Variants in BCAP31 observed in about 807,000 individuals in gnomAD.
BCAP31 encodes the protein B-cell receptor-associated protein 31.
For synonymous variants in BCAP31, 75 were observed against 80.9 expected (o/e 0.93, Z 0.39); for missense variants, 124 against 193.0 (o/e 0.64, Z 2.12).
intron 3 of BCAP31, among the ~76,000 whole-genome samples, chrX:153,716,004 A>G (rs782264310): frequency 5.4e-5 from 4 of 74,024 alleles, no homozygotes; most frequent in African/African-American, 7.7e-5. Flanking sequence ...CTAAAAATAC[A>G]AAAAAAAAAA....
chrX:153,707,107 C>G (rs1472870171), intron 4 of BCAP31, among the ~76,000 whole-genome samples: 1 of 111,235 alleles, frequency 9.0e-6, no homozygotes, highest in Non-Finnish European at 1.9e-5. Context: ...GTCCTCTCGA[C>G]CCAGCTCAAT....
At chrX:153,723,740 G>C (rs1471703276) in intron 1 of BCAP31, 4 of 1,093,443 alleles carry the variant, frequency 3.7e-6, no homozygotes, top group Non-Finnish European at 4.9e-6. Context: ...CCCGCTACCA[G>C]GCAGGCCCAA....
In BCAP31 at chrX:153,715,645, C is replaced by A; in HGVS notation, c.238G>T (p.Val80Leu). 8.3e-7 allele frequency: 1 copy of A among 1,211,656 alleles called. No individual in the cohort carries two copies. Among genetic ancestry groups the A allele is most frequent in the Non-Finnish European group, 1.1e-6 (1 of 895,373 alleles). The change falls in exon 4 of 8, where the codon GTG becomes TTG. Residue 80 changes from valine (V) to leucine (L), a missense_variant. Physicochemically the swap from Val to Leu is conservative, Grantham distance 32. Coordinates refer to ENST00000345046, the MANE Select transcript of BCAP31 (RefSeq NM_001256447.2). Reference protein sequence around the residue: ...IRKYDDVTEKVNLQNNPGAME... With the variant: ...IRKYDDVTEKLNLQNNPGAME... Reference sequence around the variant, plus strand: ...GCCCCGGGATTGTTCTGGAGGTTCACCTTTTCCGTCACATCATCATACTTC... The same window carrying A: ...GCCCCGGGATTGTTCTGGAGGTTCAACTTTTCCGTCACATCATCATACTTC...
intron 4 of BCAP31, among the ~76,000 whole-genome samples, chrX:153,710,851 T>C (rs570096295): frequency 1.8e-5 from 2 of 111,845 alleles, no homozygotes; most frequent in South Asian, 3.7e-4. Flanking sequence ...ACATCCTCCT[T>C]CTTGATCTTG....
chrX:153,707,946 A>G (rs1201192356), intron 4 of BCAP31, among the ~76,000 whole-genome samples: 21 of 113,062 alleles, frequency 1.9e-4, no homozygotes, highest in African/African-American at 6.7e-4. Context: ...CCTCTGCTGG[A>G]TCTCCCAAGT....
chrX:153,718,133 C>T (rs1029122143), intron 3 of BCAP31, among the ~76,000 whole-genome samples: 2 of 110,033 alleles, frequency 1.8e-5, no homozygotes, highest in Non-Finnish European at 3.8e-5. Flanking sequence ...CTGGCCAACA[C>T]GGTGAAACCT....
chrX:153,713,881 C>CTTTTTTTTT lies in BCAP31; in HGVS notation c.341+1652_341+1660dup, dbSNP rs1209475410. Among the ~76,000 whole-genome samples, 9 of 63,532 alleles carry CTTTTTTTTT rather than the reference C, an allele frequency of 1.4e-4. 1 individual carries two copies. The highest frequency in any genetic ancestry group is 4.8e-4 in the East Asian group (1 of 2,071). 55.2% of individuals were successfully genotyped at this position (63,532 alleles called of 115,157 possible). A position where few individuals can be genotyped will look rare whatever the true frequency, so the allele number is the denominator to read the frequency against. On this transcript the variant is annotated intron_variant, in intron 4 of 7. Coordinates refer to ENST00000345046, the MANE Select transcript of BCAP31 (RefSeq NM_001256447.2). ...AGGTTTTCACCTTCCCGATACTATT[C>CTTTTTTTTT]TTTTTTTTTTTTTTTTTTTTTTTTG... is the stretch of plus-strand genomic sequence containing the variant.
At chrX:153,718,810 G>A (rs2091646416) in intron 3 of BCAP31, among the ~76,000 whole-genome samples, 1 of 111,596 alleles carries the variant, frequency 9.0e-6, no homozygotes, top group Non-Finnish European at 1.9e-5. Flanking sequence ...AAGTCCCACA[G>A]TAGAAACCAG....
intron 2 of BCAP31, among the ~76,000 whole-genome samples, chrX:153,722,317 C>G (rs1400919012): frequency 8.9e-6 from 1 of 112,198 alleles, no homozygotes; most frequent in African/African-American, 3.2e-5. Context: ...CGTCTTAAAT[C>G]CAGCTTATTC....
At chrX:153,702,619 C>T (rs1557047600) in intron 6 of BCAP31, among the ~76,000 whole-genome samples, 1 of 112,402 alleles carries the variant, frequency 8.9e-6, no homozygotes, top group Non-Finnish European at 1.9e-5. Flanking sequence ...AGCCCCCAGG[C>T]ATGCTGGGGC....
chrX:153,713,745 G>A (rs1557049555), intron 4 of BCAP31, among the ~76,000 whole-genome samples: 1 of 110,376 alleles, frequency 9.1e-6, no homozygotes. Context: ...TCATCCTAGT[G>A]TTTCCTTTGC....
chrX:153,723,875 G>A, intron 1 of BCAP31: 1 of 554,561 alleles, frequency 1.8e-6, no homozygotes, highest in Non-Finnish European at 3.1e-6. Flanking sequence ...CTTCGCCTCC[G>A]GTGGGCTGGA....
At chrX:153,723,522 A>G in intron 1 of BCAP31, 5 of 1,164,961 alleles carry the variant, frequency 4.3e-6, no homozygotes, top group Non-Finnish European at 5.7e-6. Context: ...CCCCTCCAGC[A>G]CGTGTGTCAA....
At chrX:153,711,274 C>G (rs1392439387) in intron 4 of BCAP31, among the ~76,000 whole-genome samples, 3 of 112,185 alleles carry the variant, frequency 2.7e-5, no homozygotes, top group African/African-American at 9.7e-5. Context: ...GCTCTGTCCC[C>G]TCCACCCCAC....
intron 4 of BCAP31, 109 bp downstream of exon 4, chrX:153,715,433 C>A: frequency 9.4e-7 from 1 of 1,069,383 alleles, no homozygotes; most frequent in Non-Finnish European, 1.3e-6. Context: ...AGGCCACAGA[C>A]TGAGGAGGAA....
chrX:153,724,321 G>A lies in BCAP31; in HGVS notation c.-45+13C>T, dbSNP rs1268877761. The A allele has an allele frequency of 2.5e-5, 4 of 156,920 alleles. No individual in the cohort carries two copies. The highest frequency in any genetic ancestry group is 4.9e-5 in the Non-Finnish European group (4 of 82,154). The allele number at this position is 156,920 out of a possible 1,213,427, so 12.9% of individuals were successfully genotyped here. On this transcript the variant is annotated intron_variant, in intron 1 of 7. Transcript: ENST00000345046. ...GGTCCCGGAGCCCAGCCCGGCGCGC[G>A]GAGCCCGCTCACCGAGTTTCCCACA...
intron 3 of BCAP31, among the ~76,000 whole-genome samples, chrX:153,717,575 A>G (rs1403897261): frequency 2.7e-5 from 3 of 112,252 alleles, no homozygotes; most frequent in African/African-American, 9.7e-5. Flanking sequence ...TACCACACTC[A>G]GTTAATTTTT....
At chrX:153,713,619 T>G (rs2091606671) in intron 4 of BCAP31, among the ~76,000 whole-genome samples, 1 of 111,667 alleles carries the variant, frequency 9.0e-6, no homozygotes, top group African/African-American at 3.3e-5. Context: ...ACTCTGCAAA[T>G]CCTCAAGCAT....
intron 4 of BCAP31, among the ~76,000 whole-genome samples, chrX:153,713,673 A>G (rs1557049544): frequency 9.0e-6 from 1 of 110,865 alleles, no homozygotes; most frequent in African/African-American, 3.3e-5. Flanking sequence ...GCTTCTGGAC[A>G]TAATCTCATC....
Sources: allele counts gnomAD v4.1 joint callset (sites outside exome capture counted in the v4.1 genomes callset), GRCh38; gene constraint gnomAD v4.1.1; transcripts MANE v1.5; gene names NCBI Gene and HGNC (gene_info 2026-07-23, HGNC 2026-07-21).